Variants in CDH3 observed in about 807,000 individuals in gnomAD.
CDH3 encodes cadherin-3.
In CDH3, 54 loss-of-function variants were observed where a neutral mutation model predicts 82.0. That is an observed-to-expected ratio of 0.66 (90% confidence interval 0.53 to 0.83). The LOEUF is 0.83. CDH3 is among the 40% of genes least tolerant of loss of function. The probability of loss-of-function intolerance (pLI) is 0.00; values close to 1 mark genes in which losing one functional copy is unlikely to be tolerated. For synonymous variants in CDH3, 446 were observed against 437.9 expected (o/e 1.02, Z -0.23); for missense variants, 1,054 against 1,084.6 (o/e 0.97, Z 0.40).
intron 13 of CDH3, 132 bp downstream of exon 13, chr16:68,692,058 AC>A: frequency 1.5e-6 from 1 of 667,080 alleles, no homozygotes; most frequent in South Asian, 1.9e-5. Context: ...TTTTTTTAAG[AC>A]AGGGTCTCAC....
intron 1 of CDH3, among the ~76,000 whole-genome samples, chr16:68,709,485 G>T (rs1962002173): frequency 6.6e-6 from 1 of 151,910 alleles, no homozygotes. Context: ...GGGTTGCAGG[G>T]TCTCCCTCCG....
Position 68,691,756 on chromosome 16 carries a change from A to G in CDH3, c.1832A>G (p.Lys611Arg). The part of the protein sequence containing the change: ...TVVLSLKKFL[K>R]QDTYDVHLSL... ...GTCTTGTCCCTGAAGAAGTTCCTGA[A>G]GCAGGATACATATGACGTGCACCTT... The change falls in exon 13 of 16, where the codon AAG becomes AGG. Residue 611 changes from lysine to arginine, a missense_variant. By Grantham distance (26) the Lys-to-Arg change is conservative. Coordinates refer to ENST00000264012, the MANE Select transcript of CDH3 (RefSeq NM_001793.6). 6.2e-7 allele frequency: 1 copy of G among 1,614,174 alleles called. No individual in the cohort carries two copies. Among genetic ancestry groups the G allele is most frequent in the Non-Finnish European group, 8.5e-7 (1 of 1,180,018 alleles).
At chr16:68,724,570 T>C (rs756051152) in intron 2 of CDH3, among the ~76,000 whole-genome samples, 4 of 151,526 alleles carry the variant, frequency 2.6e-5, no homozygotes, top group Non-Finnish European at 5.9e-5. Flanking sequence ...AAGGTTGCAG[T>C]GAGCTATGAT....
intron 12 of CDH3, 48 bp from the exon 13 acceptor site, chr16:68,691,672 C>A: frequency 1.4e-6 from 2 of 1,439,736 alleles, no homozygotes; most frequent in Non-Finnish European, 2.0e-6. Context: ...GTACTCAGAT[C>A]CCCGCACTGA....
At chr16:68,676,563 T>C in intron 3 of CDH3, 93 bp downstream of exon 3, 1 of 984,210 alleles carries the variant, frequency 1.0e-6, no homozygotes, top group Non-Finnish European at 1.6e-6. Flanking sequence ...CTGTGGCCAT[T>C]GTGAGCCAAG....
intron 2 of CDH3, among the ~76,000 whole-genome samples, chr16:68,667,090 T>C (rs1960754136): frequency 6.6e-6 from 1 of 152,228 alleles, no homozygotes; most frequent in Non-Finnish European, 1.5e-5. Context: ...GGTTCCCAAC[T>C]GTGACACAGC....
At chr16:68,720,044 C>A (rs1962143826) in intron 1 of CDH3, among the ~76,000 whole-genome samples, 1 of 152,022 alleles carries the variant, frequency 6.6e-6, no homozygotes, top group Non-Finnish European at 1.5e-5. Flanking sequence ...GTGGTCCCAG[C>A]TACTTGGGAG....
Position 68,705,600 on chromosome 16 carries a change from T to C in CDH3, c.99+9677T>C, listed in dbSNP as rs551398428. Reference sequence around the variant, plus strand: ...CCATGCCTGGCTAACTTTTGTATTTTTAGTAGAGACGGAGTTTCACTATGT... The same window carrying C: ...CCATGCCTGGCTAACTTTTGTATTTCTAGTAGAGACGGAGTTTCACTATGT... On this transcript the variant is annotated intron_variant, in intron 1 of 2. Coordinates refer to the CDH3 transcript ENST00000569080. Among the ~76,000 whole-genome samples the C allele has an allele frequency of 5.9e-5, 9 of 151,780 alleles. No homozygotes were observed. The East Asian group carries it at 1.6e-3, about 27-fold the overall frequency.
intron 2 of CDH3, among the ~76,000 whole-genome samples, chr16:68,660,449 A>G (rs1436395960): frequency 6.6e-6 from 1 of 152,210 alleles, no homozygotes; most frequent in Non-Finnish European, 1.5e-5. Flanking sequence ...GTCAATTCAA[A>G]GTGCATTTTT....
At chr16:68,732,711 C>T in the CDH3 span, among the ~76,000 whole-genome samples, 1 of 152,188 alleles carries the variant, frequency 6.6e-6, no homozygotes, top group South Asian at 2.1e-4. Context: ...GGCCTTATCA[C>T]CTGCACGGAC....
chr16:68,724,720 G>A (rs918138286), intron 2 of CDH3, among the ~76,000 whole-genome samples: 1 of 151,974 alleles, frequency 6.6e-6, no homozygotes, highest in South Asian at 2.1e-4. Flanking sequence ...ATAAATAAAT[G>A]GTGTTAGCCA....
Position 68,698,473 on chromosome 16 carries a change from C to A in CDH3, c.*73C>A. On this transcript the variant is annotated 3_prime_UTR_variant, in exon 16 of 16. Coordinates refer to ENST00000264012, the MANE Select transcript of CDH3 (RefSeq NM_001793.6). Reference sequence around the variant, plus strand: ...CTCCAAGGGGTCTCAGTTCCCCCTTCAGCTGAGGACTTCGGAGCTTGTCAG... The same window carrying A: ...CTCCAAGGGGTCTCAGTTCCCCCTTAAGCTGAGGACTTCGGAGCTTGTCAG... 7.3e-7 allele frequency: 1 copy of A among 1,366,044 alleles called. No individual in the cohort carries two copies. Among genetic ancestry groups the A allele is most frequent in the Non-Finnish European group, 1.0e-6 (1 of 960,000 alleles). The allele number at this position is 1,366,044 out of a possible 1,614,324, so 84.6% of individuals were successfully genotyped here.
At chr16:68,682,279 T>C (rs1480399803) in intron 8 of CDH3, 23 bp from the exon 9 acceptor site, 1 of 1,611,104 alleles carries the variant, frequency 6.2e-7, no homozygotes, top group South Asian at 1.1e-5. Flanking sequence ...GCTCTGATAG[T>C]GCTGTGCTTC....
chr16:68,701,490 C>T, downstream of CDH3, among the ~76,000 whole-genome samples: 1 of 151,920 alleles, frequency 6.6e-6, no homozygotes, highest in South Asian at 2.1e-4. Flanking sequence ...TTTTGTGTTT[C>T]AACACTTTGG....
chr16:68,675,456 T>C (rs3118230), intron 2 of CDH3, among the ~76,000 whole-genome samples: 130,260 of 152,154 alleles, frequency 0.86, 55,935 homozygotes, highest in Non-Finnish European at 0.89. Context: ...CTCTAGTGTG[T>C]GTCTTGGAGT....
At chr16:68,683,376 G>A (rs1256112279) in intron 9 of CDH3, among the ~76,000 whole-genome samples, 2 of 152,206 alleles carry the variant, frequency 1.3e-5, no homozygotes, top group Middle Eastern at 6.8e-3. Context: ...TCCAGACCGG[G>A]TGCTGTGGCT....
chr16:68,677,543 G>A (rs910178573), intron 3 of CDH3, among the ~76,000 whole-genome samples: 5 of 152,304 alleles, frequency 3.3e-5, no homozygotes, highest in Non-Finnish European at 7.3e-5. Context: ...TTCGAGACCA[G>A]CCTGGCCAAT....
At chr16:68,683,502 A>G (rs1292942280) in intron 9 of CDH3, among the ~76,000 whole-genome samples, 1 of 151,652 alleles carries the variant, frequency 6.6e-6, no homozygotes, top group African/African-American at 2.4e-5. Flanking sequence ...ATACAAAAAA[A>G]TTAGCTGGGC....
At chr16:68,679,519 C>T (rs1961143264) in intron 6 of CDH3, among the ~76,000 whole-genome samples, 1 of 151,790 alleles carries the variant, frequency 6.6e-6, no homozygotes, top group African/African-American at 2.4e-5. Context: ...ATGGTGAAAT[C>T]CTATCTCTAC....
Sources: gnomAD v4.1 joint callset for allele counts (sites outside exome capture counted in the v4.1 genomes callset) on GRCh38, gnomAD v4.1.1 for gene constraint, MANE v1.5 for transcripts, NCBI Gene and HGNC (gene_info 2026-07-23, HGNC 2026-07-21) for gene names.